Variants in TBC1D1 observed in about 807,000 individuals in gnomAD.
The protein encoded by TBC1D1 is TBC1 (tre-2/USP6, BUB2, cdc16) domain family, member 1.
In TBC1D1, 89 loss-of-function variants were observed where a neutral mutation model predicts 125.6. The ratio of observed to expected loss-of-function variants is 0.71; its 90% CI spans 0.60 to 0.85. The LOEUF (loss-of-function observed/expected upper bound fraction) is 0.85, where lower values mean the gene tolerates loss of function less well. TBC1D1 is among the 40% of genes least tolerant of loss of function. The pLI is 0.00. For missense variants in TBC1D1, 1,377 were observed against 1,469.2 expected, an observed-to-expected ratio of 0.94 and a Z score of 1.03; for synonymous variants, 565 against 564.1, an observed-to-expected ratio of 1.00 and a Z score of -0.02.
chr4:37,974,649 C>T (rs1185858046), intron 2 of TBC1D1, among the ~76,000 whole-genome samples: 1 of 152,134 alleles, frequency 6.6e-6, no homozygotes, highest in African/African-American at 2.4e-5. Flanking sequence ...CGTAGGCCTC[C>T]CGGGTTCCAG....
intron 12 of TBC1D1, among the ~76,000 whole-genome samples, chr4:38,088,168 A>G (rs925685233): frequency 6.6e-6 from 1 of 152,062 alleles, no homozygotes; most frequent in Non-Finnish European, 1.5e-5. Flanking sequence ...AAAAAAAAGA[A>G]AGGAAAGGGC....
chr4:37,994,919 T>C (rs915616546), intron 2 of TBC1D1, among the ~76,000 whole-genome samples: 2 of 151,210 alleles, frequency 1.3e-5, no homozygotes, highest in East Asian at 1.9e-4. Flanking sequence ...ACTAACTCCA[T>C]GGGTGATTAG....
chr4:37,896,582 C>T (rs6856349), intron 1 of TBC1D1, among the ~76,000 whole-genome samples: 1,770 of 152,254 alleles, frequency 0.012, 38 homozygotes, highest in African/African-American at 0.041. Flanking sequence ...TTGTTCCATT[C>T]TCTTATAAGA....
At chr4:38,113,400 G>T (rs1348534141) in intron 15 of TBC1D1, among the ~76,000 whole-genome samples, 1 of 152,210 alleles carries the variant, frequency 6.6e-6, no homozygotes, top group Admixed American at 6.5e-5. Flanking sequence ...CACTCTACAA[G>T]CGGTGTCAAT....
chr4:37,945,122 T>A (rs1331598170), intron 2 of TBC1D1, among the ~76,000 whole-genome samples: 1 of 152,104 alleles, frequency 6.6e-6, no homozygotes, highest in Non-Finnish European at 1.5e-5. Context: ...TATAGAAAGT[T>A]GGATAAATGC....
chr4:37,919,546 A>G (rs12511756), intron 2 of TBC1D1, among the ~76,000 whole-genome samples: 33,351 of 151,762 alleles, frequency 0.22, 4,509 homozygotes, highest in Admixed American at 0.35. Flanking sequence ...GAAAAGCACA[A>G]CTACTCCTAT....
intron 15 of TBC1D1, among the ~76,000 whole-genome samples, chr4:38,113,029 A>G (rs1762447071): frequency 2.6e-5 from 4 of 152,296 alleles, no homozygotes; most frequent in African/African-American, 7.2e-5. Context: ...TTGCCTTCTC[A>G]TAACATACCA....
At chr4:38,031,299 A>G (rs1746082092) in intron 7 of TBC1D1, among the ~76,000 whole-genome samples, 2 of 152,262 alleles carry the variant, frequency 1.3e-5, no homozygotes, top group Non-Finnish European at 2.9e-5. Flanking sequence ...CTCAGTAGAC[A>G]TTGATAATTC....
intron 2 of TBC1D1, among the ~76,000 whole-genome samples, chr4:37,923,177 A>G (rs1003970009): frequency 2.0e-5 from 3 of 151,526 alleles, no homozygotes; most frequent in Admixed American, 6.6e-5. Context: ...TCACTGTTCA[A>G]CTCCCACTTA....
intron 2 of TBC1D1, among the ~76,000 whole-genome samples, chr4:37,916,111 T>C (rs1719676220): frequency 6.6e-6 from 1 of 152,232 alleles, no homozygotes; most frequent in South Asian, 2.1e-4. Context: ...GAGTTGATGC[T>C]AAATGTAAGA....
chr4:38,051,078 G>A (rs1187212087), intron 11 of TBC1D1, among the ~76,000 whole-genome samples: 7 of 152,198 alleles, frequency 4.6e-5, no homozygotes, highest in Non-Finnish European at 7.3e-5. Flanking sequence ...TGTTGTTGGC[G>A]TTTTCAGTGA....
rs534858099 is a variant in TBC1D1 at position 38,040,375 on chromosome 4, G to A, written c.1414-3987G>A. ...ACAATCTTGGCTCACTGCAACCTCC[G>A]CCTCCCGGGTTCAAGCGATTCTCCT... On this transcript the variant is annotated intron_variant, in intron 8 of 19. Coordinates refer to ENST00000261439, the MANE Select transcript of TBC1D1 (RefSeq NM_015173.4). 1.2e-4 allele frequency among the ~76,000 whole-genome samples: 18 copies of A among 152,224 alleles called. No homozygotes were observed. In the South Asian group the frequency reaches 3.3e-3, roughly 28 times the overall value.
Position 38,098,011 on chromosome 4 carries a change from C to CT in TBC1D1, c.2398+1922dup, listed in dbSNP as rs1759668732. The stretch of plus-strand genomic sequence containing the variant: ...GGTTCACACCACCGTACTGCACTGC[C>CT]TCCTGTTGAACAGGATCTCCAGGTG... On this transcript the variant is annotated intron_variant, in intron 14 of 19. Transcript: ENST00000261439. Among the ~76,000 whole-genome samples the CT allele has an allele frequency of 2.0e-5, 3 of 152,242 alleles. No homozygotes were observed. In the South Asian group the frequency reaches 6.2e-4, roughly 32 times the overall value.
intron 12 of TBC1D1, among the ~76,000 whole-genome samples, chr4:38,068,676 A>G (rs1301773949): frequency 6.6e-6 from 1 of 152,254 alleles, no homozygotes; most frequent in African/African-American, 2.4e-5. Context: ...TTATACTTAA[A>G]TGTAATAAAA....
rs1717559724 is a variant in TBC1D1 at position 37,907,349 on chromosome 4, C to T, written c.417+4837C>T. Among the ~76,000 whole-genome samples the T allele has an allele frequency of 4.6e-5, 7 of 152,074 alleles. 1 individual carries two copies. The highest frequency in any genetic ancestry group is 3.9e-4 in the Admixed American group (6 of 15,280). On this transcript the variant is annotated intron_variant, in intron 2 of 19. Transcript: ENST00000261439. ...TGAAACTATATCAAAGTATTTTTTG[C>T]ACTTTATTATGTTAAAATCCATTGA...
At chr4:38,051,986 C>T in intron 11 of TBC1D1, 5 of 1,550,956 alleles carry the variant, frequency 3.2e-6, no homozygotes, top group Non-Finnish European at 4.4e-6. Flanking sequence ...ACCCCTCCGC[C>T]TCCTCGCCAA....
intron 13 of TBC1D1, among the ~76,000 whole-genome samples, chr4:38,091,659 G>A (rs1758447756): frequency 6.6e-6 from 1 of 152,240 alleles, no homozygotes; most frequent in Non-Finnish European, 1.5e-5. Context: ...AATGGGAACG[G>A]TGCTCACAGC....
intron 1 of TBC1D1, among the ~76,000 whole-genome samples, chr4:37,899,110 G>A (rs528832335): frequency 6.6e-6 from 1 of 152,294 alleles, no homozygotes; most frequent in Admixed American, 6.5e-5. Flanking sequence ...TATGCGATGG[G>A]TGGATTGAAG....
intron 10 of TBC1D1, among the ~76,000 whole-genome samples, chr4:38,048,568 C>T (rs1749904772): frequency 6.8e-6 from 1 of 147,878 alleles, no homozygotes. Context: ...AAATTAAAAC[C>T]CTCAATACTT....
Sources: allele counts gnomAD v4.1 joint callset (sites outside exome capture counted in the v4.1 genomes callset), GRCh38; gene constraint gnomAD v4.1.1; transcripts MANE v1.5; gene names NCBI Gene and HGNC (gene_info 2026-07-23, HGNC 2026-07-21).